Variants in LETM1 observed in about 807,000 individuals in gnomAD.
LETM1 encodes the protein leucine zipper and EF-hand containing transmembrane protein 1.
In LETM1, 50 loss-of-function variants were observed where a neutral mutation model predicts 74.5. The ratio of observed to expected loss-of-function variants is 0.67; its 90% CI spans 0.53 to 0.85. The LOEUF (loss-of-function observed/expected upper bound fraction) is 0.85. Among genes scored for constraint, LETM1 ranks in the 40% least tolerant of loss-of-function variants. The pLI is 0.00. For synonymous variants in LETM1, 446 were observed against 407.1 expected (o/e 1.10, Z -1.15); for missense variants, 824 against 967.8 (o/e 0.85, Z 1.97).
At position 1,823,658 on chromosome 4, in the gene LETM1, G is replaced by A; in HGVS notation, c.1318C>T (p.Leu440Phe). 1 of 1,613,944 alleles carries A rather than the reference G, an allele frequency of 6.2e-7. No homozygotes were observed. The highest frequency in any genetic ancestry group is 8.5e-7 in the Non-Finnish European group (1 of 1,179,982). The stretch of plus-strand genomic sequence containing the variant: ...ACAGCACGTACCACAATCTCTGGGA[G>A]GGTCTGCAGTGTGGACTTGAGCTGG... ...ADQLKSTLQT[L>F]PEIVAKEAQV... The change falls in exon 8 of 14, where the codon CTC (leucine) becomes TTC (phenylalanine). Residue 440 changes from leucine (L) to phenylalanine (F), a missense_variant. Physicochemically the swap from Leu to Phe is conservative, Grantham distance 22 (BLOSUM62 0). Transcript: ENST00000302787.
rs754216842 is a variant in LETM1, at chr4:1,836,321, T to C, written c.738+108A>G. The C allele has an allele frequency of 3.8e-6, 4 of 1,050,826 alleles. No individual in the cohort carries two copies. Among genetic ancestry groups the C allele is most frequent in the South Asian group, 2.8e-5 (2 of 72,466 alleles). The allele number at this position is 1,050,826 out of a possible 1,614,324, so 65.1% of individuals were successfully genotyped here. ...GCACAGCACAAGGACAATATGAAGA[T>C]ACATAAAGTCTCAAAAATATCTAGC... On this transcript the variant is annotated intron_variant, in intron 4 of 13. Transcript: ENST00000302787. The surrounding 1 kb of genome is among the most constrained non-coding windows in gnomAD (Gnocchi z 5.8).
In LETM1 at chr4:1,828,511, C is replaced by G. The variant is rs866500178; in HGVS notation, c.1081-2828G>C. Among the ~76,000 whole-genome samples, 448 of 113,996 alleles carry G rather than the reference C, an allele frequency of 3.9e-3. 26 individuals carry two copies. Among genetic ancestry groups the G allele is most frequent in the African/African-American group, 0.017 (398 of 24,106 alleles). The allele number at this position is 113,996 out of a possible 152,430, so 74.8% of individuals were successfully genotyped here. ...GGCTGGCCGGGCAGGGGGGCTGACC[C>G]CCCCCCCCACCTCCCTCCCGGACGG... On this transcript the variant is annotated intron_variant, in intron 6 of 13. Transcript: ENST00000302787.
At chr4:1,841,180 G>A (rs1009120876) in intron 3 of LETM1, among the ~76,000 whole-genome samples, 167 bp downstream of exon 3, 1 of 152,114 alleles carries the variant, frequency 6.6e-6, no homozygotes, top group Non-Finnish European at 1.5e-5. Flanking sequence ...TGGGACCCTG[G>A]ATCTATAAAA....
chr4:1,822,325 G>A lies in LETM1; in HGVS notation c.1477-13C>T, dbSNP rs1711810193. 6.8e-7 allele frequency: 1 copy of A among 1,480,114 alleles called. No homozygotes were observed. Among genetic ancestry groups the A allele is most frequent in the Non-Finnish European group, 9.0e-7 (1 of 1,105,176 alleles). The allele number at this position is 1,480,114 out of a possible 1,614,324, so 91.7% of individuals were successfully genotyped here. A position where few individuals can be genotyped will look rare whatever the true frequency, so the allele number is the denominator to read the frequency against. On this transcript the variant is annotated splice_polypyrimidine_tract_variant and intron_variant, in intron 9 of 13. Transcript: ENST00000302787. ...GCTCAAAATCCTTCTGAAAGGCAAG[G>A]CGACACCAGCCCAGCGCCCGCCATC...
At chr4:1,848,715 CAAAAAAAAAA>C (rs927486416) in intron 2 of LETM1, among the ~76,000 whole-genome samples, 2 of 43,898 alleles carry the variant, frequency 4.6e-5, no homozygotes, top group African/African-American at 1.8e-4. Context: ...GGCTCTGTCT[CAAAAAAAAAA>C]AAAAAAAAAA....
intron 1 of LETM1, 119 bp from the exon 2 acceptor site, chr4:1,849,328 GATCTCGGCTCA>G: frequency 1.4e-6 from 1 of 698,892 alleles, no homozygotes; most frequent in Non-Finnish European, 2.6e-6. Context: ...GCAATGGCGT[GATCTCGGCTCA>G]CTGCAACCTC....
At chr4:1,828,467 C>T (rs1467136751) in intron 6 of LETM1, among the ~76,000 whole-genome samples, 18 of 121,774 alleles carry the variant, frequency 1.5e-4, no homozygotes, top group Non-Finnish European at 1.7e-4. Context: ...AGAGGCGCCC[C>T]TCACCTCCCG....
At position 1,812,174 on chromosome 4, in the gene LETM1, G is replaced by A. The variant is rs1178727131; in HGVS notation, c.*2250C>T. 6.8e-6 allele frequency: 1 copy of A among 147,342 alleles called. No homozygotes were observed. Among genetic ancestry groups the A allele is most frequent in the Non-Finnish European group, 1.5e-5 (1 of 67,038 alleles). The allele number at this position is 147,342 out of a possible 1,614,324, so 9.1% of individuals were successfully genotyped here. ...AGATCACGCCATTGCACTCCAGCCTGGGAGACAGAGCAAGACTCTGTCTCA... is the reference window on the plus strand; with the variant it reads ...AGATCACGCCATTGCACTCCAGCCTAGGAGACAGAGCAAGACTCTGTCTCA... On this transcript the variant is annotated 3_prime_UTR_variant, in exon 14 of 14. Coordinates refer to ENST00000302787, the MANE Select transcript of LETM1 (RefSeq NM_012318.3).
At chr4:1,823,518 G>A (rs190497864) in intron 8 of LETM1, 126 bp downstream of exon 8, 3 of 1,184,802 alleles carry the variant, frequency 2.5e-6, no homozygotes, top group Non-Finnish European at 3.6e-6. Flanking sequence ...GCACTCGCGA[G>A]GGGGTGGGAG....
At position 1,822,165 on chromosome 4, in the gene LETM1, G is replaced by A; in HGVS notation, c.1608+16C>T. ...GCCCTCCTCAGCCTCCAGGGCCCCA[G>A]AACCTGCCTCATTACCTTCAAGCCC... On this transcript the variant is annotated intron_variant, in intron 10 of 13. Transcript: ENST00000302787. 7.2e-7 allele frequency: 1 copy of A among 1,397,548 alleles called. No individual in the cohort carries two copies. The highest frequency in any genetic ancestry group is 9.4e-7 in the Non-Finnish European group (1 of 1,061,286). The allele number at this position is 1,397,548 out of a possible 1,614,324, so 86.6% of individuals were successfully genotyped here.
chr4:1,847,782 C>T (rs1226842955), intron 2 of LETM1, among the ~76,000 whole-genome samples: 1 of 148,708 alleles, frequency 6.7e-6, no homozygotes, highest in East Asian at 2.0e-4. Flanking sequence ...CGAGATTGCA[C>T]CACTGCACTC....
chr4:1,851,917 C>T (rs1040236547), intron 1 of LETM1, among the ~76,000 whole-genome samples: 4 of 152,226 alleles, frequency 2.6e-5, no homozygotes, highest in Admixed American at 1.3e-4. Flanking sequence ...CCTGTTCTGA[C>T]GGCTTCTGTC....
chr4:1,820,676 C>T (rs1319303637), intron 10 of LETM1, among the ~76,000 whole-genome samples: 1 of 152,190 alleles, frequency 6.6e-6, no homozygotes, highest in Non-Finnish European at 1.5e-5. Flanking sequence ...CTGCAGCTAC[C>T]AAGATAAACA....
Position 1,856,129 on chromosome 4 carries a change from C to T in LETM1, c.-179G>A, listed in dbSNP as rs1214147851. 2 of 344,926 alleles carry T rather than the reference C, an allele frequency of 5.8e-6. No homozygotes were observed. Among genetic ancestry groups the T allele is most frequent in the Non-Finnish European group, 1.0e-5 (2 of 195,728 alleles). 21.4% of individuals were successfully genotyped at this position (344,926 alleles called of 1,614,324 possible). A position where few individuals can be genotyped will look rare whatever the true frequency, so the allele number is the denominator to read the frequency against. ...ACCCGGCACCAGCGGCGGCCTTGTC[C>T]CGGCACAGACGTCCGGAGGCGCGGG... On this transcript the variant is annotated 5_prime_UTR_variant, in exon 1 of 14. Transcript: ENST00000302787.
In LETM1 at chr4:1,832,950, G is replaced by A; in HGVS notation, c.877-3C>T. Reference sequence around the variant, plus strand: ...GGCCTCTCCCCTGTTTCCCGGATCTGCGGAAGTGGTCACAAGGGTCATCCC... The same window carrying A: ...GGCCTCTCCCCTGTTTCCCGGATCTACGGAAGTGGTCACAAGGGTCATCCC... On this transcript the variant is annotated splice_region_variant and splice_polypyrimidine_tract_variant and intron_variant, in intron 5 of 13. Transcript: ENST00000302787. 6.2e-7 allele frequency: 1 copy of A among 1,611,974 alleles called. No individual in the cohort carries two copies. Among genetic ancestry groups the A allele is most frequent in the Non-Finnish European group, 8.5e-7 (1 of 1,179,820 alleles).
chr4:1,823,626 G>A lies in LETM1; in HGVS notation c.1332+18C>T, dbSNP rs748504130. 10 of 1,612,704 alleles carry A rather than the reference G, an allele frequency of 6.2e-6. No homozygotes were observed. The highest frequency in any genetic ancestry group is 1.7e-5 in the Admixed American group (1 of 60,000). On this transcript the variant is annotated intron_variant, in intron 8 of 13. Coordinates refer to ENST00000302787, the MANE Select transcript of LETM1 (RefSeq NM_012318.3). Reference sequence around the variant, plus strand: ...CCTATGAAGAGATGAGGTAAAAGGGGTCTCCGACAGCACGTACCACAATCT... The same window carrying A: ...CCTATGAAGAGATGAGGTAAAAGGGATCTCCGACAGCACGTACCACAATCT...
Position 1,836,511 on chromosome 4 carries a change from G to C in LETM1, c.656C>G (p.Pro219Arg), listed in dbSNP as rs566879390. The C allele has an allele frequency of 6.2e-7, 1 of 1,613,990 alleles. No homozygotes were observed. Among genetic ancestry groups the C allele is most frequent in the East Asian group, 2.2e-5 (1 of 44,882 alleles). Residue 219 changes from proline to arginine, a missense_variant, in exon 4 of 14, where the codon CCG (proline) becomes CGG (arginine). Physicochemically the swap from Pro to Arg is moderately radical, Grantham distance 103. Transcript: ENST00000302787. The surrounding 1 kb of genome is among the most constrained non-coding windows in gnomAD (Gnocchi z 5.8). ...LVPFLVFVVV[P>R]FMEFLLPVAV... ...AACAGGCAGCAGAAACTCCATGAAC[G>C]GCACCACCACGAACACAAGGAACGG...
intron 6 of LETM1, among the ~76,000 whole-genome samples, chr4:1,827,017 C>T (rs1051684665): frequency 6.6e-6 from 1 of 152,236 alleles, no homozygotes; most frequent in Admixed American, 6.5e-5. Flanking sequence ...GAGCCCGTCC[C>T]TCAGCCCCGC....
chr4:1,814,686 C>T, intron 13 of LETM1, 113 bp from the exon 14 acceptor site: 2 of 833,830 alleles, frequency 2.4e-6, no homozygotes, highest in Non-Finnish European at 3.9e-6. Context: ...AGCATGCACG[C>T]AATCACTGCC....
Sources: allele counts gnomAD v4.1 joint callset (sites outside exome capture counted in the v4.1 genomes callset), GRCh38; gene constraint gnomAD v4.1.1; non-coding constraint Gnocchi (gnomAD v3.1); transcripts MANE v1.5; gene names NCBI Gene and HGNC (gene_info 2026-07-23, HGNC 2026-07-21).